SH3RF3: variants seen among roughly 807,000 people sequenced by gnomAD.
SH3RF3 encodes the protein SH3 domain containing ring finger 3.
SH3RF3 carries 29 observed loss-of-function variants against 66.3 expected under a neutral mutation model. That is an observed-to-expected ratio of 0.44 (90% confidence interval 0.33 to 0.60). SH3RF3 has a LOEUF of 0.60. SH3RF3 is among the 20% of genes least tolerant of loss of function. SH3RF3 has a pLI of 0.04. For synonymous variants in SH3RF3, 583 were observed against 532.0 expected, an observed-to-expected ratio of 1.10 and a Z score of -1.32; for missense variants, 1,194 against 1,190.9, an observed-to-expected ratio of 1.00 and a Z score of -0.04.
At chr2:109,230,874 C>CAT (rs1365152902) in intron 1 of SH3RF3, among the ~76,000 whole-genome samples, 1 of 152,238 alleles carries the variant, frequency 6.6e-6, no homozygotes, top group Non-Finnish European at 1.5e-5. Context: ...GCCAATAGGA[C>CAT]TCCCTTTGGG....
chr2:109,312,194 C>G (rs1341075458), intron 1 of SH3RF3, among the ~76,000 whole-genome samples: 4 of 152,268 alleles, frequency 2.6e-5, no homozygotes, highest in Admixed American at 2.0e-4. Context: ...AAATCTTACA[C>G]AATCTTACAC....
intron 1 of SH3RF3, among the ~76,000 whole-genome samples, chr2:109,198,368 T>A (rs1486710372): frequency 2.0e-5 from 1 of 50,112 alleles, no homozygotes; most frequent in Non-Finnish European, 4.4e-5. Flanking sequence ...TTGTGACAAC[T>A]TAAACAAAAC....
rs76592711 is a variant in SH3RF3, at chr2:109,261,222, C to T, written c.574-86452C>T. 3.1e-3 allele frequency among the ~76,000 whole-genome samples: 474 copies of T among 152,164 alleles called. 10 individuals carry two copies. The East Asian group carries it at 0.039, about 12-fold the overall frequency. On this transcript the variant is annotated intron_variant, in intron 1 of 9. Transcript: ENST00000309415. ...CCTTTGTAGTTGCATAGGTGTAAAG[C>T]GAGGGCCCTGGCTGATGGCTCTTCC...
At chr2:109,186,027 G>A (rs900076136) in intron 1 of SH3RF3, among the ~76,000 whole-genome samples, 8 of 152,210 alleles carry the variant, frequency 5.3e-5, no homozygotes, top group African/African-American at 1.9e-4. Context: ...TATTCCCTTA[G>A]TCACTGGGAT....
At chr2:109,470,579 G>C (rs1174736332) in intron 8 of SH3RF3, among the ~76,000 whole-genome samples, 2 of 152,224 alleles carry the variant, frequency 1.3e-5, no homozygotes, top group Non-Finnish European at 2.9e-5. Context: ...GTGCAGAGCT[G>C]AACAAGGCAG....
intron 5 of SH3RF3, among the ~76,000 whole-genome samples, chr2:109,430,628 G>A (rs927896235): frequency 3.9e-5 from 6 of 152,118 alleles, no homozygotes; most frequent in African/African-American, 1.2e-4. Context: ...CGTGTTGGCT[G>A]CAGTTGTTTG....
At chr2:109,412,275 C>A (rs779797923) in intron 4 of SH3RF3, among the ~76,000 whole-genome samples, 5 of 152,250 alleles carry the variant, frequency 3.3e-5, no homozygotes, top group Non-Finnish European at 7.3e-5. Context: ...GCCCCCCTTT[C>A]ATTGGAGTAT....
At chr2:109,282,888 C>A (rs1680931351) in intron 1 of SH3RF3, among the ~76,000 whole-genome samples, 1 of 152,048 alleles carries the variant, frequency 6.6e-6, no homozygotes, top group Non-Finnish European at 1.5e-5. Context: ...AGTCTGATGG[C>A]CCCTGTAGAC....
chr2:109,348,229 C>T (rs1280306977), intron 2 of SH3RF3, among the ~76,000 whole-genome samples: 1 of 152,216 alleles, frequency 6.6e-6, no homozygotes, highest in Non-Finnish European at 1.5e-5. Flanking sequence ...CCATCAGCAC[C>T]AGGAGCAGAA....
intron 1 of SH3RF3, among the ~76,000 whole-genome samples, chr2:109,327,289 T>G (rs979515381): frequency 5.9e-5 from 9 of 152,348 alleles, no homozygotes; most frequent in South Asian, 2.1e-4. Context: ...CACCATTGAT[T>G]AAACAGCCCA....
intron 1 of SH3RF3, among the ~76,000 whole-genome samples, chr2:109,185,491 C>T (rs934291): frequency 0.26 from 39,741 of 152,118 alleles, 5,517 homozygotes; most frequent in East Asian, 0.42. Context: ...TTACTTGAGT[C>T]ACAGAGCATG....
intron 1 of SH3RF3, among the ~76,000 whole-genome samples, chr2:109,333,572 T>G (rs1682336554): frequency 6.6e-6 from 1 of 152,214 alleles, no homozygotes; most frequent in South Asian, 2.1e-4. Context: ...ACATGGAATC[T>G]CTGGAGCTCT....
chr2:109,176,994 C>A (rs985376316), intron 1 of SH3RF3, among the ~76,000 whole-genome samples: 1 of 152,148 alleles, frequency 6.6e-6, no homozygotes, highest in Non-Finnish European at 1.5e-5. Flanking sequence ...GAGAGCCCTG[C>A]ACTGGGGTGA....
chr2:109,148,614 T>A (rs897273050), intron 1 of SH3RF3, among the ~76,000 whole-genome samples: 4 of 152,198 alleles, frequency 2.6e-5, no homozygotes, highest in African/African-American at 9.7e-5. Context: ...TATGTATAAT[T>A]AAAGATGGCA....
intron 5 of SH3RF3, among the ~76,000 whole-genome samples, chr2:109,425,426 A>T (rs1277357200): frequency 6.6e-6 from 1 of 152,268 alleles, no homozygotes; most frequent in East Asian, 1.9e-4. Flanking sequence ...GATGCCATCT[A>T]GGACTTTCAT....
intron 1 of SH3RF3, among the ~76,000 whole-genome samples, chr2:109,266,196 G>A (rs915441874): frequency 1.3e-5 from 2 of 150,968 alleles, no homozygotes; most frequent in African/African-American, 4.9e-5. Flanking sequence ...TGTGTGTTGT[G>A]TGTTGTGTGC....
intron 8 of SH3RF3, among the ~76,000 whole-genome samples, chr2:109,483,922 A>G (rs1034598286): frequency 6.6e-6 from 1 of 152,004 alleles, no homozygotes. Flanking sequence ...TGCTGACTGC[A>G]TGGCCTTCAA....
chr2:109,498,530 G>C (rs1003055390), intron 9 of SH3RF3, among the ~76,000 whole-genome samples: 1 of 152,206 alleles, frequency 6.6e-6, no homozygotes, highest in African/African-American at 2.4e-5. Flanking sequence ...GTGAACACGT[G>C]GGGTGGGGAA....
At chr2:109,206,629 T>G (rs1269979547) in intron 1 of SH3RF3, among the ~76,000 whole-genome samples, 1 of 150,774 alleles carries the variant, frequency 6.6e-6, no homozygotes. Context: ...GAAACATAAG[T>G]AAGACCCTGT....
Sources: allele counts gnomAD v4.1 joint callset (sites outside exome capture counted in the v4.1 genomes callset), GRCh38; gene constraint gnomAD v4.1.1; transcripts MANE v1.5; gene names NCBI Gene and HGNC (gene_info 2026-07-23, HGNC 2026-07-21).